Variants in ACVR1C observed in about 807,000 individuals in gnomAD.
ACVR1C encodes activin A receptor type 1C.
Under a neutral mutation model 57.9 loss-of-function variants are expected in ACVR1C, and 23 were observed. The observed-to-expected ratio is 0.40, with a 90% CI of 0.29 to 0.56. The LOEUF (loss-of-function observed/expected upper bound fraction) is 0.56. Among genes scored for constraint, ACVR1C ranks in the 20% least tolerant of loss-of-function variants. The pLI is 0.50. For missense variants in ACVR1C, 480 were observed against 607.9 expected, an observed-to-expected ratio of 0.79 and a Z score of 2.21; for synonymous variants, 214 against 215.3, an observed-to-expected ratio of 0.99 and a Z score of 0.05.
intron 2 of ACVR1C, among the ~76,000 whole-genome samples, chr2:157,580,804 C>G (rs765495013): frequency 2.6e-5 from 4 of 151,984 alleles, no homozygotes; most frequent in Non-Finnish European, 5.9e-5. Context: ...GTTCCCGAAA[C>G]AGTGAAAGGT....
intron 1 of ACVR1C, among the ~76,000 whole-genome samples, chr2:157,592,788 C>CA (rs943599803): frequency 3.3e-5 from 5 of 151,718 alleles, no homozygotes; most frequent in South Asian, 2.1e-4. Flanking sequence ...TTGTCTCTTT[C>CA]AAAAAAAACT....
chr2:157,606,046 A>G (rs965983374), intron 1 of ACVR1C, among the ~76,000 whole-genome samples: 2 of 151,728 alleles, frequency 1.3e-5, no homozygotes, highest in African/African-American at 4.8e-5. Flanking sequence ...GAATGAGAAC[A>G]TATGGTATCT....
chr2:157,558,874 A>G (rs1447822269), intron 2 of ACVR1C, among the ~76,000 whole-genome samples: 2 of 152,232 alleles, frequency 1.3e-5, no homozygotes, highest in Non-Finnish European at 2.9e-5. Flanking sequence ...ATGTCTGCAC[A>G]AAGGTATTCT....
chr2:157,579,459 A>T (rs1688734400), intron 2 of ACVR1C, among the ~76,000 whole-genome samples: 1 of 152,208 alleles, frequency 6.6e-6, no homozygotes, highest in Non-Finnish European at 1.5e-5. Flanking sequence ...TTTTAATTTT[A>T]AGAGTTTTCT....
intron 1 of ACVR1C, among the ~76,000 whole-genome samples, chr2:157,590,129 G>T (rs1384668018): frequency 6.6e-6 from 1 of 151,724 alleles, no homozygotes; most frequent in African/African-American, 2.4e-5. Flanking sequence ...AAAAATTTAT[G>T]ACTAAGACCC....
intron 2 of ACVR1C, among the ~76,000 whole-genome samples, chr2:157,559,899 G>A (rs1688196285): frequency 6.6e-6 from 1 of 151,376 alleles, no homozygotes; most frequent in Non-Finnish European, 1.5e-5. Flanking sequence ...GAGAGGGAAG[G>A]AAGGAAAGAG....
rs535980051 is a variant in ACVR1C, at chr2:157,535,699, C to T, written c.1357-1656G>A. Among the ~76,000 whole-genome samples, 12 of 152,232 alleles carry T rather than the reference C, an allele frequency of 7.9e-5. No homozygotes were observed. In the East Asian group the frequency reaches 2.3e-3, roughly 29 times the overall value. On this transcript the variant is annotated intron_variant, in intron 8 of 8. Coordinates refer to ENST00000243349, the MANE Select transcript of ACVR1C (RefSeq NM_145259.3). ...TCCTGAGGCTGAGGCAGAAGAATCA[C>T]TTGAACCTGGGAGGCGGAGGTAGCA...
chr2:157,554,873 G>A (rs528974887), intron 3 of ACVR1C, among the ~76,000 whole-genome samples: 7 of 151,884 alleles, frequency 4.6e-5, no homozygotes, highest in Non-Finnish European at 7.4e-5. Context: ...ACTCTTGTTC[G>A]TATTTTCATA....
chr2:157,617,233 A>G (rs1030639264), intron 1 of ACVR1C, among the ~76,000 whole-genome samples: 4 of 152,130 alleles, frequency 2.6e-5, no homozygotes, highest in Non-Finnish European at 1.5e-5. Flanking sequence ...TAGTCATTGC[A>G]TCAGGAAGGC....
chr2:157,566,384 C>A (rs183409176), intron 2 of ACVR1C, among the ~76,000 whole-genome samples: 2 of 152,184 alleles, frequency 1.3e-5, no homozygotes, highest in African/African-American at 4.8e-5. Flanking sequence ...GGAACAGCTC[C>A]GGTCTATAGC....
At chr2:157,577,388 T>C (rs1408125564) in intron 2 of ACVR1C, among the ~76,000 whole-genome samples, 1 of 152,204 alleles carries the variant, frequency 6.6e-6, no homozygotes, top group East Asian at 1.9e-4. Context: ...TGGACTTCTC[T>C]ATTTATCCTT....
At chr2:157,614,270 T>C (rs926611112) in intron 1 of ACVR1C, among the ~76,000 whole-genome samples, 3 of 152,192 alleles carry the variant, frequency 2.0e-5, no homozygotes, top group Admixed American at 1.3e-4. Context: ...CTAGCTAAGG[T>C]GAACCACTTT....
intron 1 of ACVR1C, among the ~76,000 whole-genome samples, chr2:157,617,429 C>T (rs1016062923): frequency 6.6e-6 from 1 of 151,982 alleles, no homozygotes; most frequent in African/African-American, 2.4e-5. Context: ...AAACAATACA[C>T]CCAACAGCCA....
chr2:157,605,619 T>C (rs578207833), intron 1 of ACVR1C, among the ~76,000 whole-genome samples: 8 of 151,832 alleles, frequency 5.3e-5, no homozygotes, highest in Admixed American at 3.9e-4. Flanking sequence ...AATGGCATAA[T>C]ATTTGCTTAT....
At chr2:157,573,826 C>T (rs1688582249) in intron 2 of ACVR1C, among the ~76,000 whole-genome samples, 1 of 151,976 alleles carries the variant, frequency 6.6e-6, no homozygotes, top group Non-Finnish European at 1.5e-5. Flanking sequence ...ATAAAGGAAC[C>T]AAGCAACAAA....
intron 2 of ACVR1C, among the ~76,000 whole-genome samples, chr2:157,580,545 G>C (rs1688766738): frequency 6.6e-6 from 1 of 152,160 alleles, no homozygotes; most frequent in Non-Finnish European, 1.5e-5. Flanking sequence ...TTACACTTTA[G>C]ATGTCCACAG....
In ACVR1C at chr2:157,533,871, T is replaced by G; in HGVS notation, c.*47A>C. 2 of 1,475,696 alleles carry G rather than the reference T, an allele frequency of 1.4e-6. No homozygotes were observed. The highest frequency in any genetic ancestry group is 1.5e-5 in the South Asian group (1 of 67,884). The allele number at this position is 1,475,696 out of a possible 1,614,324, so 91.4% of individuals were successfully genotyped here. On this transcript the variant is annotated 3_prime_UTR_variant, in exon 9 of 9. Coordinates refer to ENST00000243349, the MANE Select transcript of ACVR1C (RefSeq NM_145259.3). ...AAAAACATTCACATAAAGGGGAAAA[T>G]GGAAAAGAAAGCTATGAGAGATTTC... is the stretch of plus-strand genomic sequence containing the variant.
chr2:157,552,364 C>T (rs568197960), intron 3 of ACVR1C, among the ~76,000 whole-genome samples: 1 of 152,308 alleles, frequency 6.6e-6, no homozygotes, highest in Admixed American at 6.5e-5. Flanking sequence ...AACTCCTGAC[C>T]TCAAGTGATC....
chr2:157,545,522 C>A (rs1687731013), intron 4 of ACVR1C, among the ~76,000 whole-genome samples: 1 of 152,212 alleles, frequency 6.6e-6, no homozygotes, highest in Non-Finnish European at 1.5e-5. Context: ...ACACCTCTCT[C>A]CCTGATTGAC....
Sources: allele counts gnomAD v4.1 joint callset (sites outside exome capture counted in the v4.1 genomes callset), GRCh38; gene constraint gnomAD v4.1.1; transcripts MANE v1.5; gene names NCBI Gene and HGNC (gene_info 2026-07-23, HGNC 2026-07-21).